PAH: variants seen among roughly 807,000 people sequenced by gnomAD.
PAH encodes the protein phenylalanine-4-hydroxylase.
In PAH, 64 loss-of-function variants were observed where a neutral mutation model predicts 62.0. That is an observed-to-expected ratio of 1.03 (90% CI 0.84 to 1.27). The LOEUF is 1.27. PAH is among the 50% of genes most tolerant of loss of function. The pLI, the probability that PAH is intolerant of heterozygous loss-of-function variation, is 0.00. For missense variants in PAH, 579 were observed against 542.8 expected, an observed-to-expected ratio of 1.07 and a Z score of -0.66; for synonymous variants, 195 against 196.2, an observed-to-expected ratio of 0.99 and a Z score of 0.05.
chr12:102,903,839 G>T (rs1292058980), intron 2 of PAH, among the ~76,000 whole-genome samples: 1 of 152,052 alleles, frequency 6.6e-6, no homozygotes, highest in East Asian at 1.9e-4. Context: ...TTGTTTGCTT[G>T]TTCCCTTCCC....
chr12:102,954,497 C>T (rs997342734), upstream of PAH, among the ~76,000 whole-genome samples: 11 of 152,176 alleles, frequency 7.2e-5, no homozygotes, highest in African/African-American at 2.2e-4. Flanking sequence ...TGAAGTCTCA[C>T]AACTCTTGGA....
chr12:102,930,017 T>C (rs1878805409), intron 1 of PAH, among the ~76,000 whole-genome samples: 1 of 152,220 alleles, frequency 6.6e-6, no homozygotes, highest in Non-Finnish European at 1.5e-5. Context: ...ATGTGTTATC[T>C]TTCTAAAAAC....
chr12:102,873,897 T>G (rs1366783841), intron 4 of PAH, among the ~76,000 whole-genome samples: 1 of 152,244 alleles, frequency 6.6e-6, no homozygotes, highest in Non-Finnish European at 1.5e-5. Context: ...ATACAGAGTT[T>G]CTCTCTTTGA....
chr12:102,949,532 T>A (rs1879653815), intron 1 of PAH, among the ~76,000 whole-genome samples: 1 of 152,192 alleles, frequency 6.6e-6, no homozygotes, highest in Admixed American at 6.5e-5. Flanking sequence ...GTCACAGAGG[T>A]AGAAAGTTTC....
chr12:102,923,840 CAATT>C (rs762269721), intron 1 of PAH, among the ~76,000 whole-genome samples: 21 of 152,294 alleles, frequency 1.4e-4, no homozygotes, highest in Admixed American at 7.8e-4. Flanking sequence ...ATCCCACAAT[CAATT>C]GTCTTTTGGG....
exon 1 of PAH, chr12:102,958,280 C>G (rs753938038): frequency 3.4e-6 from 5 of 1,475,416 alleles, no homozygotes; most frequent in East Asian, 3.0e-5. Flanking sequence ...GCGGCGGCGC[C>G]GGCCAGCAGC....
chr12:102,844,777 C>T (rs932997768), intron 9 of PAH, among the ~76,000 whole-genome samples: 1 of 152,188 alleles, frequency 6.6e-6, no homozygotes, highest in Non-Finnish European at 1.5e-5. Context: ...GATTCTGGGA[C>T]TCGCACCCAA....
chr12:102,944,818 G>A (rs899114301), intron 1 of PAH, among the ~76,000 whole-genome samples: 1 of 152,172 alleles, frequency 6.6e-6, no homozygotes, highest in Non-Finnish European at 1.5e-5. Flanking sequence ...TGACCATCTA[G>A]TTCATTGGTG....
chr12:102,852,823 G>A lies in PAH; in HGVS notation c.834C>T (p.Thr278=). The part of the protein sequence containing the change: ...YIRHGSKPMY[T]PEPDICHELL... ...TGGAGGACAGTACTCACGGTTCGGG[G>A]GTATACATGGGCTTGGATCCATGTC... Residue 278 remains threonine, a synonymous_variant, in exon 7 of 13, where the codon ACC becomes ACT. Transcript: ENST00000553106. 6.2e-7 allele frequency: 1 copy of A among 1,614,018 alleles called. No individual in the cohort carries two copies. The highest frequency in any genetic ancestry group is 1.7e-5 in the Admixed American group (1 of 60,006).
At chr12:102,869,400 C>T (rs185260412) in intron 4 of PAH, among the ~76,000 whole-genome samples, 2 of 152,210 alleles carry the variant, frequency 1.3e-5, no homozygotes, top group Admixed American at 1.3e-4. Context: ...AGTGTTACCT[C>T]CAGGTAGTGG....
chr12:102,948,502 TG>T (rs537881635), intron 1 of PAH, among the ~76,000 whole-genome samples: 218 of 152,316 alleles, frequency 1.4e-3, no homozygotes, highest in Middle Eastern at 3.4e-3. Context: ...AGGTTGTTCC[TG>T]TGGATCTTTT....
At chr12:102,901,130 T>C (rs141185145) in intron 2 of PAH, among the ~76,000 whole-genome samples, 348 of 152,298 alleles carry the variant, frequency 2.3e-3, no homozygotes, top group Non-Finnish European at 3.1e-3. Flanking sequence ...AATAAAACTA[T>C]AGAAACAGAG....
chr12:102,894,420 C>A (rs1877407395), intron 3 of PAH, among the ~76,000 whole-genome samples: 2 of 113,486 alleles, frequency 1.8e-5, no homozygotes, highest in Non-Finnish European at 4.0e-5. Flanking sequence ...AAATTAAAAG[C>A]TTATAAAGTA....
intron 4 of PAH, 143 bp downstream of exon 4, chr12:102,877,319 C>T (rs1876609095): frequency 1.3e-6 from 1 of 744,480 alleles, no homozygotes; most frequent in African/African-American, 1.7e-5. Context: ...TAATTTTTCC[C>T]AGCCCTCGTG....
At chr12:102,844,272 C>T (rs916722694) in intron 10 of PAH, 64 bp downstream of exon 10, 14 of 1,139,306 alleles carry the variant, frequency 1.2e-5, no homozygotes, top group Non-Finnish European at 1.3e-5. Context: ...ATATTGAAAG[C>T]ACAATAATGG....
rs1376359429 is a variant in PAH at position 102,946,660 on chromosome 12, A to T, written c.-96+3929T>A. 3 of 152,810 alleles carry T rather than the reference A, an allele frequency of 2.0e-5. No homozygotes were observed. In the East Asian group the frequency reaches 5.8e-4, roughly 29 times the overall value. 9.5% of individuals were successfully genotyped at this position (152,810 alleles called of 1,614,324 possible). On this transcript the variant is annotated intron_variant, in intron 1 of 3. Coordinates refer to the PAH transcript ENST00000546844. ...GGGGTGATGGGGGAGGAGTTGCATC[A>T]GCAATTCAAGACTGTCTTTTCTACC...
chr12:102,884,967 C>T (rs1722392), intron 3 of PAH, among the ~76,000 whole-genome samples: 65,969 of 152,042 alleles, frequency 0.43, 14,806 homozygotes, highest in Non-Finnish European at 0.47. Flanking sequence ...GTGATTTGCT[C>T]AAGATCACTG....
intron 1 of PAH, chr12:102,923,680 A>G (rs2136741267): frequency 6.6e-6 from 1 of 152,250 alleles, no homozygotes; most frequent in Non-Finnish European, 1.5e-5. Context: ...AGTAATTTCT[A>G]TTGTTATTTC....
intron 5 of PAH, among the ~76,000 whole-genome samples, chr12:102,862,932 C>T (rs1875792688): frequency 6.9e-6 from 1 of 145,254 alleles, no homozygotes; most frequent in Admixed American, 6.9e-5. Context: ...CTTGTGGTAG[C>T]CAGCAATGAT....
Sources: gnomAD v4.1 joint callset for allele counts (sites outside exome capture counted in the v4.1 genomes callset) on GRCh38, gnomAD v4.1.1 for gene constraint, MANE v1.5 for transcripts, NCBI Gene and HGNC (gene_info 2026-07-23, HGNC 2026-07-21) for gene names.